Variants in GRK1 observed in about 807,000 individuals in gnomAD.
The protein encoded by GRK1 is rhodopsin kinase GRK1.
Under a neutral mutation model 41.7 loss-of-function variants are expected in GRK1, and 28 were observed. That is an observed-to-expected ratio of 0.67 (90% CI 0.50 to 0.92). The LOEUF is 0.92. Ranked by LOEUF, GRK1 falls within the 40% of genes least tolerant of loss-of-function variation. GRK1 has a pLI of 0.00. For missense variants in GRK1, 703 were observed against 671.2 expected, an observed-to-expected ratio of 1.05 and a Z score of -0.52; for synonymous variants, 327 against 286.7, an observed-to-expected ratio of 1.14 and a Z score of -1.42.
At position 113,731,907 on chromosome 13, in the gene GRK1, G is replaced by C. The variant is rs1007360566; in HGVS notation, c.1194+564G>C. Among the ~76,000 whole-genome samples the C allele has an allele frequency of 6.6e-6, 1 of 152,184 alleles. No individual in the cohort carries two copies. Among genetic ancestry groups the C allele is most frequent in the African/African-American group, 2.4e-5 (1 of 41,442 alleles). ...AGACACCAAGAACCCACAGCCCATGGTGGGCCCAGCAGCTGCTCTGAATGT... is the reference window on the plus strand; with the variant it reads ...AGACACCAAGAACCCACAGCCCATGCTGGGCCCAGCAGCTGCTCTGAATGT... On this transcript the variant is annotated intron_variant, in intron 5 of 6. Transcript: ENST00000335678. The surrounding 1 kb of genome is among the most constrained non-coding windows in gnomAD (Gnocchi z 5.6).
the GRK1 span, chr13:113,658,151 T>G: frequency 6.2e-7 from 1 of 1,609,898 alleles, no homozygotes; most frequent in South Asian, 1.1e-5. Context: ...CCATCGTCCC[T>G]GGCCTGAGAT....
intron 4 of GRK1, among the ~76,000 whole-genome samples, chr13:113,725,114 G>A (rs564073087): frequency 2.0e-5 from 3 of 152,252 alleles, no homozygotes; most frequent in African/African-American, 4.8e-5. Context: ...CAGGCTGGGA[G>A]GCCGGTGTCA....
rs141013514 is a variant in GRK1 at position 113,736,057 on chromosome 13, G to A, written c.*694G>A. On this transcript the variant is annotated 3_prime_UTR_variant, in exon 7 of 7. Coordinates refer to ENST00000335678, the MANE Select transcript of GRK1 (RefSeq NM_002929.3). ...GTTGGGCTGTTGGGAGGAGGGGAGC[G>A]GGTGTGGAGTCTGGGGGTCTCAGTG... The A allele has an allele frequency of 2.0e-5, 3 of 152,444 alleles. No homozygotes were observed. Among genetic ancestry groups the A allele is most frequent in the East Asian group, 1.9e-4 (1 of 5,188 alleles). The allele number at this position is 152,444 out of a possible 1,614,324, so 9.4% of individuals were successfully genotyped here.
chr13:113,733,749 A>G (rs1328057275), intron 6 of GRK1, among the ~76,000 whole-genome samples: 24 of 89,230 alleles, frequency 2.7e-4, no homozygotes, highest in Non-Finnish European at 4.8e-4. Flanking sequence ...GTGTGCATAC[A>G]TGTGTGTGCG....
chr13:113,662,575 A>G (rs1395394226), upstream of GRK1, among the ~76,000 whole-genome samples: 1 of 152,230 alleles, frequency 6.6e-6, no homozygotes, highest in African/African-American at 2.4e-5. Context: ...CAAAACTCCT[A>G]CAGCTGTTAA....
At position 113,735,309 on chromosome 13, in the gene GRK1, C is replaced by T; in HGVS notation, c.1638C>T (p.Gly546=). ...SDGQMPDDMK[G]ISGGSSSSSK... The stretch of plus-strand genomic sequence containing the variant: ...GTCAGATGCCGGACGACATGAAGGG[C>T]ATCTCCGGGGGCTCCAGCTCCTCGT... Residue 546 remains glycine, a synonymous_variant, in exon 7 of 7, where the codon GGC becomes GGT. Transcript: ENST00000335678. The T allele has an allele frequency of 6.5e-7, 1 of 1,532,452 alleles. No individual in the cohort carries two copies. Among genetic ancestry groups the T allele is most frequent in the Non-Finnish European group, 8.7e-7 (1 of 1,143,512 alleles). 94.9% of individuals were successfully genotyped at this position (1,532,452 alleles called of 1,614,324 possible).
intron 2 of GRK1, among the ~76,000 whole-genome samples, chr13:113,670,045 G>A (rs1187292088): frequency 9.2e-5 from 14 of 152,334 alleles, no homozygotes; most frequent in African/African-American, 3.1e-4. Context: ...ATCAGGGCTC[G>A]TCCTGTGTGT....
chr13:113,653,817 A>G, the GRK1 span, among the ~76,000 whole-genome samples: 1 of 152,406 alleles, frequency 6.6e-6, no homozygotes, highest in Admixed American at 6.5e-5. Flanking sequence ...GAACAAAAGC[A>G]GTCTAACAAC....
In GRK1 at chr13:113,733,554, C is replaced by T. The variant is rs553418090; in HGVS notation, c.1396+469C>T. Among the ~76,000 whole-genome samples, 11 of 137,282 alleles carry T rather than the reference C, an allele frequency of 8.0e-5. 1 individual carries two copies. The South Asian group carries it at 1.2e-3, about 14-fold the overall frequency. 90.1% of individuals were successfully genotyped at this position (137,282 alleles called of 152,430 possible). On this transcript the variant is annotated intron_variant, in intron 6 of 6. Coordinates refer to ENST00000335678, the MANE Select transcript of GRK1 (RefSeq NM_002929.3). ...GCGTGTGTGCATGCGTGTGCGCGCA[C>T]GTGTGTCCATGTATGTGTATGTGTG...
the GRK1 span, among the ~76,000 whole-genome samples, chr13:113,660,881 T>A: frequency 6.6e-6 from 1 of 152,164 alleles, no homozygotes; most frequent in South Asian, 2.1e-4. Context: ...CTGATAGAAC[T>A]AAAAGTAGAC....
At chr13:113,656,281 C>T in the GRK1 span, among the ~76,000 whole-genome samples, 8 of 152,186 alleles carry the variant, frequency 5.3e-5, no homozygotes, top group East Asian at 1.9e-4. Context: ...GACCTACGCT[C>T]GTGACGGCAG....
chr13:113,733,200 A>G (rs1202033676), intron 6 of GRK1, 115 bp downstream of exon 6: 23 of 1,031,314 alleles, frequency 2.2e-5, no homozygotes, highest in Non-Finnish European at 3.0e-5. Flanking sequence ...CAGACCCCCA[A>G]GGCTCTCCCT....
At chr13:113,654,361 C>T in the GRK1 span, among the ~76,000 whole-genome samples, 2 of 152,228 alleles carry the variant, frequency 1.3e-5, no homozygotes, top group African/African-American at 4.8e-5. Flanking sequence ...TTGCACCCTG[C>T]TGATGTGTAG....
chr13:113,665,553 G>A (rs998091056), upstream of GRK1, among the ~76,000 whole-genome samples: 10 of 147,236 alleles, frequency 6.8e-5, no homozygotes, highest in Admixed American at 4.1e-4. Context: ...GCTGTCTTAG[G>A]TGTGTCTCAG....
chr13:113,672,424 G>A lies in GRK1; in HGVS notation c.985+768G>A, dbSNP rs921652970. On this transcript the variant is annotated intron_variant, in intron 3 of 6. Coordinates refer to ENST00000335678, the MANE Select transcript of GRK1 (RefSeq NM_002929.3). The stretch of plus-strand genomic sequence containing the variant: ...GTGGTATGTGGAATGTGGTGTGTTC[G>A]TGGTGTGGTGTGTGTGGTATGTGTG... Among the ~76,000 whole-genome samples, 9 of 147,302 alleles carry A rather than the reference G, an allele frequency of 6.1e-5. 2 individuals are homozygous for A. The highest frequency in any genetic ancestry group is 1.3e-4 in the Non-Finnish European group (9 of 67,894).
At chr13:113,650,615 C>CA in the GRK1 span, 6 of 748,824 alleles carry the variant, frequency 8.0e-6, no homozygotes, top group Non-Finnish European at 1.3e-5. The surrounding 1 kb of genome is among the most constrained non-coding windows in gnomAD (Gnocchi z 5.0). Context: ...TAGGTGCTTG[C>CA]ATAAACACTT....
At chr13:113,666,562 G>A (rs1021061967), upstream of GRK1, among the ~76,000 whole-genome samples, 3 of 152,240 alleles carry the variant, frequency 2.0e-5, no homozygotes, top group South Asian at 2.1e-4. Context: ...AGCCCCAGCT[G>A]TATTCCATAT....
chr13:113,734,057 T>C (rs1291339075), intron 6 of GRK1, among the ~76,000 whole-genome samples: 1 of 151,962 alleles, frequency 6.6e-6, no homozygotes, highest in African/African-American at 2.4e-5. Flanking sequence ...CATACGTGTG[T>C]GTGCATGTGT....
chr13:113,735,193 G>A lies in GRK1; in HGVS notation c.1522G>A (p.Glu508Lys). 6.5e-7 allele frequency: 1 copy of A among 1,537,168 alleles called. No individual in the cohort carries two copies. The highest frequency in any genetic ancestry group is 8.7e-7 in the Non-Finnish European group (1 of 1,146,900). Reference protein sequence around the residue: ...FDKTDTEFFQEFATGNCPIPW... With the variant: ...FDKTDTEFFQKFATGNCPIPW... ...CAAAACAGACACAGAATTCTTTCAGGAATTTGCCACTGGCAACTGCCCCAT... is the reference window on the plus strand; with the variant it reads ...CAAAACAGACACAGAATTCTTTCAGAAATTTGCCACTGGCAACTGCCCCAT... The change falls in exon 7 of 7, where the codon GAA becomes AAA. Residue 508 changes from glutamate to lysine, a missense_variant. Physicochemically the swap from Glu to Lys is moderately conservative, Grantham distance 56. Coordinates refer to ENST00000335678, the MANE Select transcript of GRK1 (RefSeq NM_002929.3).
Sources: gnomAD v4.1 joint callset for allele counts (sites outside exome capture counted in the v4.1 genomes callset) on GRCh38, gnomAD v4.1.1 for gene constraint, Gnocchi (gnomAD v3.1) non-coding constraint, MANE v1.5 for transcripts, NCBI Gene and HGNC (gene_info 2026-07-23, HGNC 2026-07-21) for gene names.